The following NDUFA10 variants were observed in gnomAD, a reference collection of about 807,000 sequenced individuals.
The protein encoded by NDUFA10 is NADH:ubiquinone oxidoreductase subunit A10.
NDUFA10 carries 40 observed loss-of-function variants against 47.8 expected under a neutral mutation model. The ratio of observed to expected loss-of-function variants is 0.84; its 90% CI spans 0.65 to 1.09. The LOEUF (loss-of-function observed/expected upper bound fraction) is 1.09. Among genes scored for constraint, NDUFA10 ranks in the 50% least tolerant of loss-of-function variants. The probability of loss-of-function intolerance (pLI) is 0.00; values close to 1 mark genes in which losing one functional copy is unlikely to be tolerated. For synonymous variants in NDUFA10, 183 were observed against 172.2 expected (o/e 1.06, Z -0.49); for missense variants, 413 against 451.1 (o/e 0.92, Z 0.76).
downstream of NDUFA10, among the ~76,000 whole-genome samples, chr2:239,956,677 T>C (rs1283767911): frequency 1.3e-5 from 2 of 152,166 alleles, no homozygotes; most frequent in East Asian, 1.9e-4. Flanking sequence ...ACCTTTCTGT[T>C]CGTGCTTCCT....
In NDUFA10 at chr2:239,960,710, C is replaced by T. The variant is rs1196263540; in HGVS notation, c.*408G>A. Reference sequence around the variant, plus strand: ...TGCACGTGTGCAGTTTCGACGTGCCCGCACGCACATAGACGTACGATGGGG... The same window carrying T: ...TGCACGTGTGCAGTTTCGACGTGCCTGCACGCACATAGACGTACGATGGGG... On this transcript the variant is annotated 3_prime_UTR_variant, in exon 10 of 10. Coordinates refer to ENST00000252711, the MANE Select transcript of NDUFA10 (RefSeq NM_004544.4). The T allele has an allele frequency of 6.8e-6, 8 of 1,169,134 alleles. No homozygotes were observed. In the South Asian group the frequency reaches 7.1e-5, roughly 10 times the overall value. The allele number at this position is 1,169,134 out of a possible 1,614,324, so 72.4% of individuals were successfully genotyped here.
At chr2:239,982,049 G>A (rs764067099) in intron 9 of NDUFA10, 60 of 1,603,902 alleles carry the variant, frequency 3.7e-5, no homozygotes, top group Admixed American at 6.7e-5. Context: ...ATAGTCACAC[G>A]TTCTGTGGAA....
intron 4 of NDUFA10, among the ~76,000 whole-genome samples, chr2:239,896,121 TG>T (rs1269913801): frequency 6.6e-6 from 1 of 152,266 alleles, no homozygotes; most frequent in Non-Finnish European, 1.5e-5. Context: ...GACCTGTTCC[TG>T]GCCTCGAGTC....
At chr2:239,978,544 T>C (rs1056789758) in intron 9 of NDUFA10, among the ~76,000 whole-genome samples, 9 of 152,130 alleles carry the variant, frequency 5.9e-5, no homozygotes, top group African/African-American at 2.2e-4. Context: ...CCCGATTGGA[T>C]CACTCACAAG....
intron 9 of NDUFA10, among the ~76,000 whole-genome samples, chr2:239,978,861 T>C (rs1273441306): frequency 6.6e-6 from 1 of 152,196 alleles, no homozygotes; most frequent in African/African-American, 2.4e-5. Flanking sequence ...GGAAGAATTC[T>C]GTCTTCCCAC....
At chr2:239,998,499 T>G (rs1696572351) in intron 8 of NDUFA10, among the ~76,000 whole-genome samples, 1 of 151,580 alleles carries the variant, frequency 6.6e-6, no homozygotes, top group Non-Finnish European at 1.5e-5. Flanking sequence ...CTGCTGTCTG[T>G]GGCAGGGCCT....
chr2:240,013,653 A>C (rs900909373), intron 5 of NDUFA10: 1 of 152,246 alleles, frequency 6.6e-6, no homozygotes, highest in African/African-American at 2.4e-5. Flanking sequence ...TGTTTCTACT[A>C]TTGCAACAGA....
chr2:239,918,988 G>C (rs981469636), intron 4 of NDUFA10, among the ~76,000 whole-genome samples: 1 of 152,176 alleles, frequency 6.6e-6, no homozygotes, highest in African/African-American at 2.4e-5. Flanking sequence ...CACAGTAACC[G>C]GCTGCTTCCA....
At chr2:239,965,079 G>T (rs1695005157) in intron 9 of NDUFA10, among the ~76,000 whole-genome samples, 5 of 152,194 alleles carry the variant, frequency 3.3e-5, no homozygotes, top group Admixed American at 3.3e-4. Flanking sequence ...CTGGGTTTGG[G>T]ACAGTCTGGC....
At chr2:239,927,748 TG>T (rs1694087258) in intron 4 of NDUFA10, among the ~76,000 whole-genome samples, 1 of 152,068 alleles carries the variant, frequency 6.6e-6, no homozygotes, top group Non-Finnish European at 1.5e-5. Flanking sequence ...GGAGCCTGGG[TG>T]GCGACTGGGG....
At chr2:239,982,103 T>C (rs375419178) in intron 9 of NDUFA10, 2 of 1,612,508 alleles carry the variant, frequency 1.2e-6, no homozygotes, top group Non-Finnish European at 1.7e-6. Context: ...ACCAGTGACC[T>C]GACACGTGTA....
At chr2:240,018,237 T>TA (rs1697446116) in intron 4 of NDUFA10, among the ~76,000 whole-genome samples, 1 of 152,164 alleles carries the variant, frequency 6.6e-6, no homozygotes, top group South Asian at 2.1e-4. Context: ...TAGGTATTGC[T>TA]AGGGCAAGCT....
chr2:239,989,785 C>T (rs1281178999), intron 9 of NDUFA10, among the ~76,000 whole-genome samples: 3 of 152,194 alleles, frequency 2.0e-5, no homozygotes, highest in Non-Finnish European at 2.9e-5. Context: ...AGTAAAGAAA[C>T]TGACATAACA....
chr2:239,990,312 A>C lies in NDUFA10; in HGVS notation c.891-130T>G, dbSNP rs1696192840. The C allele has an allele frequency of 4.0e-6, 3 of 747,022 alleles. No homozygotes were observed. In the South Asian group the frequency reaches 4.4e-5, roughly 11 times the overall value. 46.3% of individuals were successfully genotyped at this position (747,022 alleles called of 1,614,324 possible). ...ATCCCAATAAATGCTATTCGTTGCCAAGCAATCATCCCAGCAGCAAAGCCT... is the reference window on the plus strand; with the variant it reads ...ATCCCAATAAATGCTATTCGTTGCCCAGCAATCATCCCAGCAGCAAAGCCT... On this transcript the variant is annotated intron_variant, in intron 8 of 9. Coordinates refer to ENST00000252711, the MANE Select transcript of NDUFA10 (RefSeq NM_004544.4).
At chr2:239,902,121 T>G (rs1267373214) in intron 4 of NDUFA10, among the ~76,000 whole-genome samples, 21 of 152,182 alleles carry the variant, frequency 1.4e-4, no homozygotes, top group Non-Finnish European at 2.9e-5. Flanking sequence ...GGAGATTTAC[T>G]CTCAATTTTA....
chr2:239,990,000 G>T, intron 9 of NDUFA10, 74 bp downstream of exon 9: 1 of 1,084,130 alleles, frequency 9.2e-7, no homozygotes, highest in Non-Finnish European at 1.4e-6. Flanking sequence ...CTCCTTTCTG[G>T]AGAAGTGACT....
intron 9 of NDUFA10, among the ~76,000 whole-genome samples, chr2:239,966,875 A>G (rs1320371197): frequency 1.6e-5 from 2 of 123,994 alleles, no homozygotes; most frequent in South Asian, 2.5e-4. Context: ...TTTTTTCCCT[A>G]AGAGAGAGAG....
chr2:239,934,840 G>A (rs561182312), intron 4 of NDUFA10, among the ~76,000 whole-genome samples: 4 of 152,166 alleles, frequency 2.6e-5, no homozygotes, highest in South Asian at 4.2e-4. Flanking sequence ...GCCCCCACCC[G>A]TTTTCCACAC....
At chr2:239,951,522 G>C (rs1015343177) in intron 4 of NDUFA10, among the ~76,000 whole-genome samples, 3 of 152,140 alleles carry the variant, frequency 2.0e-5, no homozygotes, top group Non-Finnish European at 4.4e-5. Flanking sequence ...GCCTGGTCAG[G>C]GTCCTCCTCT....
Sources: allele counts gnomAD v4.1 joint callset (sites outside exome capture counted in the v4.1 genomes callset), GRCh38; gene constraint gnomAD v4.1.1; transcripts MANE v1.5; gene names NCBI Gene and HGNC (gene_info 2026-07-23, HGNC 2026-07-21).